Variants in CAST observed in about 807,000 individuals in gnomAD.
CAST encodes MIR583 host.
In CAST, 76 loss-of-function variants were observed where a neutral mutation model predicts 119.6. The ratio of observed to expected loss-of-function variants is 0.64; its 90% confidence interval spans 0.53 to 0.77. The LOEUF is 0.77. CAST is among the 30% of genes least tolerant of loss of function. The pLI, the probability that CAST is intolerant of heterozygous loss-of-function variation, is 0.00. For synonymous variants in CAST, 319 were observed against 331.6 expected (o/e 0.96, Z 0.41); for missense variants, 953 against 946.5 (o/e 1.01, Z -0.09).
chr5:96,342,396 A>G, the CAST span, among the ~76,000 whole-genome samples: 1 of 152,152 alleles, frequency 6.6e-6, no homozygotes, highest in Non-Finnish European at 1.5e-5. Context: ...GCCCACCCCC[A>G]TATTTTCCAA....
At chr5:96,712,366 C>G (rs187659624) in intron 3 of CAST, among the ~76,000 whole-genome samples, 6 of 152,306 alleles carry the variant, frequency 3.9e-5, no homozygotes, top group African/African-American at 1.2e-4. Context: ...GGGTCTTGCT[C>G]TGTCACTTGG....
the CAST span, among the ~76,000 whole-genome samples, chr5:96,256,631 A>G: frequency 4.6e-5 from 7 of 151,930 alleles, no homozygotes; most frequent in African/African-American, 1.7e-4. Context: ...GTGTACCTAA[A>G]CATATCTAAA....
chr5:96,375,434 G>T, the CAST span, among the ~76,000 whole-genome samples: 11,267 of 129,450 alleles, frequency 0.087, 1,477 homozygotes, highest in African/African-American at 0.29. Flanking sequence ...GTGTGTGTGT[G>T]TGTTTTTTTT....
the CAST span, among the ~76,000 whole-genome samples, chr5:96,427,611 C>T: frequency 6.6e-6 from 1 of 152,130 alleles, no homozygotes; most frequent in Non-Finnish European, 1.5e-5. Flanking sequence ...ACCAAATCAG[C>T]TATCAAGGGG....
At chr5:96,167,590 A>G in the CAST span, among the ~76,000 whole-genome samples, 5 of 152,162 alleles carry the variant, frequency 3.3e-5, no homozygotes, top group Non-Finnish European at 7.3e-5. Flanking sequence ...TTAAAAGACC[A>G]TTAGTTCACT....
At chr5:96,230,788 A>G in the CAST span, among the ~76,000 whole-genome samples, 2 of 152,270 alleles carry the variant, frequency 1.3e-5, no homozygotes, top group Admixed American at 1.3e-4. Flanking sequence ...AAGAACTCCT[A>G]CAACTCCAAA....
chr5:96,492,384 T>C, the CAST span, among the ~76,000 whole-genome samples: 1 of 152,210 alleles, frequency 6.6e-6, no homozygotes, highest in South Asian at 2.1e-4. Flanking sequence ...CTCTCTAGTT[T>C]TGTATGTTTT....
chr5:96,171,870 C>T, the CAST span, among the ~76,000 whole-genome samples: 2 of 152,244 alleles, frequency 1.3e-5, no homozygotes, highest in African/African-American at 2.4e-5. Flanking sequence ...AGATCTTTCT[C>T]ACGGAGCAAA....
chr5:95,985,749 T>C, the CAST span, among the ~76,000 whole-genome samples: 8 of 152,220 alleles, frequency 5.3e-5, no homozygotes, highest in Non-Finnish European at 8.8e-5. Flanking sequence ...GGGACTTTAA[T>C]GTTCTATTTA....
At chr5:96,613,147 T>C (rs1228847687) in intron 1 of CAST, among the ~76,000 whole-genome samples, 1 of 152,214 alleles carries the variant, frequency 6.6e-6, no homozygotes, top group Non-Finnish European at 1.5e-5. Context: ...CTCTCCATCT[T>C]CTTCTCTTTC....
the CAST span, among the ~76,000 whole-genome samples, chr5:96,309,235 C>T: frequency 3.9e-5 from 6 of 152,354 alleles, no homozygotes; most frequent in East Asian, 1.9e-4. Context: ...AACTTCTTGG[C>T]GGCTTTGTTT....
At chr5:96,710,620 G>T (rs1463548090) in intron 3 of CAST, among the ~76,000 whole-genome samples, 2 of 152,064 alleles carry the variant, frequency 1.3e-5, no homozygotes, top group African/African-American at 2.4e-5. Flanking sequence ...ACATTGCCCA[G>T]TGGCTTGACA....
chr5:96,271,487 AC>A, the CAST span, among the ~76,000 whole-genome samples: 312 of 152,316 alleles, frequency 2.0e-3, 1 homozygote, highest in African/African-American at 7.0e-3. Flanking sequence ...GGCATCAAAG[AC>A]ATACAATGGA....
At chr5:96,121,256 G>C in the CAST span, among the ~76,000 whole-genome samples, 1 of 152,104 alleles carries the variant, frequency 6.6e-6, no homozygotes, top group East Asian at 1.9e-4. Context: ...CTTTGGGGGA[G>C]CCCTTTTGTT....
chr5:96,110,482 A>G, the CAST span, among the ~76,000 whole-genome samples: 1 of 152,190 alleles, frequency 6.6e-6, no homozygotes, highest in African/African-American at 2.4e-5. Context: ...CTCAGAGTGA[A>G]TTAGCTGGAG....
chr5:96,680,808 A>G (rs1751317831), intron 2 of CAST, among the ~76,000 whole-genome samples: 1 of 152,266 alleles, frequency 6.6e-6, no homozygotes, highest in South Asian at 2.1e-4. Flanking sequence ...AGCTGTCATT[A>G]GCAAGTTCTA....
At chr5:96,062,111 A>G in the CAST span, among the ~76,000 whole-genome samples, 1 of 152,148 alleles carries the variant, frequency 6.6e-6, no homozygotes, top group Non-Finnish European at 1.5e-5. Context: ...CAGCATCACT[A>G]TCCAGCAGCT....
chr5:96,736,688 A>G (rs909267316), intron 10 of CAST, among the ~76,000 whole-genome samples: 131 of 152,120 alleles, frequency 8.6e-4, no homozygotes, highest in Non-Finnish European at 1.5e-3. Context: ...AAAAAAAAAG[A>G]CAATTTAAAT....
chr5:96,048,632 G>T, the CAST span, among the ~76,000 whole-genome samples: 1 of 152,020 alleles, frequency 6.6e-6, no homozygotes, highest in Non-Finnish European at 1.5e-5. Context: ...CACCATAAAT[G>T]ACCTAAAATG....
Sources: gnomAD v4.1 joint callset for allele counts (sites outside exome capture counted in the v4.1 genomes callset) on GRCh38, gnomAD v4.1.1 for gene constraint, MANE v1.5 for transcripts, NCBI Gene and HGNC (gene_info 2026-07-23, HGNC 2026-07-21) for gene names.